The following TBL1X variants were observed in gnomAD, a reference collection of about 807,000 sequenced individuals.
TBL1X encodes the protein transducin beta like 1 X-linked.
Under a neutral mutation model 50.7 loss-of-function variants are expected in TBL1X, and 10 were observed. That is an observed-to-expected ratio of 0.20 (90% CI 0.12 to 0.33). TBL1X has a LOEUF of 0.33. Among genes scored for constraint, TBL1X ranks in the 10% least tolerant of loss-of-function variants. The pLI, the probability that TBL1X is intolerant of heterozygous loss-of-function variation, is 1.00. For missense variants in TBL1X, 340 were observed against 504.4 expected (o/e 0.67, Z 3.12); for synonymous variants, 190 against 214.7 (o/e 0.88, Z 1.01).
chrX:9,609,336 G>GGGGTGTGTGTGTGTGTGTGTGTGT (rs1555900202), intron 2 of TBL1X, among the ~76,000 whole-genome samples: 1 of 94,774 alleles, frequency 1.1e-5, no homozygotes, highest in Non-Finnish European at 2.1e-5. Flanking sequence ...TTTTCTTCCA[G>GGGGTGTGTGTGTGTGTGTGTGTGT]GTGTGTGTGT....
At chrX:9,669,565 C>G (rs951119305) in intron 5 of TBL1X, among the ~76,000 whole-genome samples, 3 of 111,600 alleles carry the variant, frequency 2.7e-5, no homozygotes, top group Non-Finnish European at 5.6e-5. Context: ...AGGACTTCCA[C>G]TCTTTATCCT....
intron 5 of TBL1X, among the ~76,000 whole-genome samples, chrX:9,669,018 T>A (rs923004403): frequency 8.9e-6 from 1 of 112,197 alleles, no homozygotes; most frequent in African/African-American, 3.2e-5. Context: ...ATGATTTGTC[T>A]TTAATAAAAA....
At chrX:9,614,546 G>A (rs897545527) in intron 2 of TBL1X, among the ~76,000 whole-genome samples, 8 of 111,644 alleles carry the variant, frequency 7.2e-5, no homozygotes, top group African/African-American at 2.6e-4. Context: ...GGGAGACAGA[G>A]CAAGACCTTG....
At chrX:9,472,994 G>A (rs1396943367) in intron 1 of TBL1X, among the ~76,000 whole-genome samples, 1 of 111,528 alleles carries the variant, frequency 9.0e-6, no homozygotes, top group Non-Finnish European at 1.9e-5. Flanking sequence ...TGCACTGTGG[G>A]TAATTGGGTA....
chrX:9,665,015 T>G (rs2082919114), intron 5 of TBL1X, among the ~76,000 whole-genome samples: 1 of 111,050 alleles, frequency 9.0e-6, no homozygotes, highest in Admixed American at 9.6e-5. Context: ...GTAGGATTTT[T>G]TTTTCCTTCC....
At chrX:9,642,437 T>C (rs1188841709) in intron 3 of TBL1X, among the ~76,000 whole-genome samples, 2 of 111,945 alleles carry the variant, frequency 1.8e-5, no homozygotes, top group Non-Finnish European at 3.8e-5. Context: ...CTTCTAACGG[T>C]TTCCTTGAGG....
intron 2 of TBL1X, among the ~76,000 whole-genome samples, chrX:9,576,695 T>TAAAAAAAAAAAAAAA (rs146596930): frequency 4.1e-5 from 3 of 72,409 alleles, no homozygotes; most frequent in Non-Finnish European, 5.2e-5. Flanking sequence ...AGCACTACAT[T>TAAAAAAAAAAAAAAA]AAAAAAAAAA....
At chrX:9,600,610 G>C (rs2082551764) in intron 2 of TBL1X, among the ~76,000 whole-genome samples, 1 of 111,334 alleles carries the variant, frequency 9.0e-6, no homozygotes, top group Non-Finnish European at 1.9e-5. Flanking sequence ...GACCCCAGTT[G>C]GTTCTGAAAA....
Position 9,691,607 on chromosome X carries a change from T to G in TBL1X, c.645T>G (p.Asp215Glu). The G allele has an allele frequency of 1.7e-6, 2 of 1,210,854 alleles. No individual in the cohort carries two copies. Among genetic ancestry groups the G allele is most frequent in the Non-Finnish European group, 2.2e-6 (2 of 895,225 alleles). The part of the protein sequence containing the change: ...VNNHAKPMEI[D>E]GEVEIPSSKA... ...ATCACGCGAAGCCAATGGAAATAGA[T>G]GGAGAGGTTGAGATTCCATCCAGCA... Residue 215 changes from aspartate (D) to glutamate (E), a missense_variant, in exon 8 of 18, where the codon GAT becomes GAG. This residue lies in a region of TBL1X where 99 missense variants were observed against 93.3 expected (regional missense o/e 1.06). Coordinates refer to ENST00000645353, the MANE Select transcript of TBL1X (RefSeq NM_005647.4).
chrX:9,708,119 T>G (rs2083220873), intron 13 of TBL1X, among the ~76,000 whole-genome samples: 1 of 111,992 alleles, frequency 8.9e-6, no homozygotes, highest in Admixed American at 9.4e-5. Context: ...CCCAAGCTGG[T>G]ACGCCATGTC....
chrX:9,491,329 TATATATATA>T (rs1479222186), intron 1 of TBL1X, among the ~76,000 whole-genome samples: 11 of 29,290 alleles, frequency 3.8e-4, no homozygotes, highest in African/African-American at 1.2e-3. Flanking sequence ...TATATATATA[TATATATATA>T]TTTTTTTTTT....
At chrX:9,652,848 C>CT (rs2082843271) in intron 3 of TBL1X, among the ~76,000 whole-genome samples, 1 of 93,927 alleles carries the variant, frequency 1.1e-5, no homozygotes, top group African/African-American at 4.1e-5. Flanking sequence ...AAGACTCTGT[C>CT]TCAAAAAAAA....
chrX:9,653,755 G>T, intron 4 of TBL1X, 66 bp downstream of exon 4: 1 of 983,457 alleles, frequency 1.0e-6, no homozygotes, highest in Non-Finnish European at 1.4e-6. Flanking sequence ...CATGGCCGCG[G>T]GTGTACTCGG....
At chrX:9,527,906 C>T (rs949666808) in intron 2 of TBL1X, among the ~76,000 whole-genome samples, 1 of 110,924 alleles carries the variant, frequency 9.0e-6, no homozygotes, top group Non-Finnish European at 1.9e-5. Context: ...ATGTCAGCCT[C>T]CCGAGTAGCT....
At chrX:9,564,571 A>G (rs368893371) in intron 2 of TBL1X, among the ~76,000 whole-genome samples, 1 of 110,202 alleles carries the variant, frequency 9.1e-6, no homozygotes, top group Admixed American at 9.6e-5. Context: ...CGTCTCTACT[A>G]AAAATACAAA....
At chrX:9,468,733 GTA>G (rs755684601) in intron 1 of TBL1X, among the ~76,000 whole-genome samples, 3 of 108,503 alleles carry the variant, frequency 2.8e-5, no homozygotes, top group Non-Finnish European at 1.9e-5. Context: ...GTGGGTAGGA[GTA>G]TATATATATA....
chrX:9,577,982 C>T (rs1972598095), intron 2 of TBL1X, among the ~76,000 whole-genome samples: 1 of 112,269 alleles, frequency 8.9e-6, no homozygotes, highest in Non-Finnish European at 1.9e-5. Context: ...AAACAGAAAA[C>T]TCCTCTTTGC....
intron 2 of TBL1X, among the ~76,000 whole-genome samples, chrX:9,572,158 C>T (rs888216108): frequency 8.9e-6 from 1 of 112,219 alleles, no homozygotes; most frequent in African/African-American, 3.2e-5. Context: ...TCCATCACTT[C>T]TCTGCTGCTT....
chrX:9,580,919 G>A (rs891381109), intron 2 of TBL1X, among the ~76,000 whole-genome samples: 3 of 111,411 alleles, frequency 2.7e-5, no homozygotes, highest in Non-Finnish European at 5.7e-5. Flanking sequence ...TGAGGTCTGT[G>A]ATGATGTTCG....
Sources: gnomAD v4.1 joint callset for allele counts (sites outside exome capture counted in the v4.1 genomes callset) on GRCh38, gnomAD v4.1.1 for gene constraint, gnomAD v4.1.1 regional missense constraint, MANE v1.5 for transcripts, NCBI Gene and HGNC (gene_info 2026-07-23, HGNC 2026-07-21) for gene names.